Variants in LAMP2 observed in about 807,000 individuals in gnomAD.
LAMP2 encodes lysosome-associated membrane glycoprotein 2.
In LAMP2, 4 loss-of-function variants were observed where a neutral mutation model predicts 25.6. That is an observed-to-expected ratio of 0.16 (90% CI 0.08 to 0.36). LAMP2 has a LOEUF of 0.36. Ranked by LOEUF, LAMP2 falls within the 10% of genes least tolerant of loss-of-function variation. LAMP2 has a pLI of 1.00. For missense variants in LAMP2, 272 were observed against 301.4 expected, an observed-to-expected ratio of 0.90 and a Z score of 0.72; for synonymous variants, 108 against 112.7, an observed-to-expected ratio of 0.96 and a Z score of 0.27.
chrX:120,432,471 G>T (rs1288923688), intron 8 of LAMP2, among the ~76,000 whole-genome samples: 1 of 111,241 alleles, frequency 9.0e-6, no homozygotes, highest in African/African-American at 3.3e-5. Flanking sequence ...GATGGAGGTA[G>T]TAAGGTAGGA....
intron 1 of LAMP2, among the ~76,000 whole-genome samples, chrX:120,468,100 C>G (rs1487328482): frequency 9.0e-6 from 1 of 111,671 alleles, no homozygotes; most frequent in Admixed American, 9.5e-5. Context: ...ACAACCCAAT[C>G]CTTAGCAAGT....
intron 5 of LAMP2, 69 bp downstream of exon 5, chrX:120,447,772 G>A: frequency 1.1e-6 from 1 of 932,876 alleles, no homozygotes. Context: ...CCTTTGGGCT[G>A]AAGGTAGGAT....
rs2058578862 is a variant in LAMP2, at chrX:120,442,659, T to C, written c.868A>G (p.Asn290Asp). The C allele has an allele frequency of 1.7e-6, 2 of 1,201,326 alleles. No homozygotes were observed. Among genetic ancestry groups the C allele is most frequent in the Middle Eastern group, 2.3e-4 (1 of 4,353 alleles). Residue 290 changes from asparagine (N) to aspartate (D), a missense_variant, in exon 7 of 9, where the codon AAT (asparagine) becomes GAT (aspartate). Coordinates refer to ENST00000200639, the MANE Select transcript of LAMP2 (RefSeq NM_002294.3). ...TCCTTCAGATAAAATCGGTTTTCAT[T>C]TTTCTGTTTGAAAAAGAGCTTCCAG... is the stretch of plus-strand genomic sequence containing the variant. ...KYLDFVFAVKNENRFYLKEVN... is the reference protein window; with the variant it reads ...KYLDFVFAVKDENRFYLKEVN...
chrX:120,459,875 C>T (rs1921245761), intron 1 of LAMP2, among the ~76,000 whole-genome samples: 1 of 112,212 alleles, frequency 8.9e-6, no homozygotes, highest in African/African-American at 3.2e-5. Context: ...CTACTGTTGA[C>T]TGGAAGCATT....
At chrX:120,437,429 C>T (rs1307274104) in intron 8 of LAMP2, 13 of 738,838 alleles carry the variant, frequency 1.8e-5, no homozygotes, top group Admixed American at 1.9e-4. Context: ...AAAAAAAACA[C>T]GAAAAAACAA....
chrX:120,439,394 G>T, intron 8 of LAMP2: 1 of 795,937 alleles, frequency 1.3e-6, no homozygotes, highest in Non-Finnish European at 1.9e-6. Context: ...GTTCTTACAA[G>T]ATCAACTTCA....
chrX:120,457,878 G>C (rs1467953723), intron 1 of LAMP2, among the ~76,000 whole-genome samples: 1 of 112,207 alleles, frequency 8.9e-6, no homozygotes, highest in Admixed American at 9.4e-5. Flanking sequence ...CTATAGACTA[G>C]AGAAAAGTGC....
rs2058509624 is a variant in LAMP2 at position 120,428,865 on chromosome X, G to A, written c.*2458C>T. 1 of 749,093 alleles carries A rather than the reference G, an allele frequency of 1.3e-6. No individual in the cohort carries two copies. The highest frequency in any genetic ancestry group is 9.1e-5 in the Admixed American group (1 of 11,004). 61.7% of individuals were successfully genotyped at this position (749,093 alleles called of 1,213,427 possible). On this transcript the variant is annotated 3_prime_UTR_variant, in exon 9 of 9. Coordinates refer to ENST00000200639, the MANE Select transcript of LAMP2 (RefSeq NM_002294.3). The stretch of plus-strand genomic sequence containing the variant: ...TGGGAAGGGTCCAAAATAGAGAATT[G>A]CGCTTGCCTAATATGGGAAGACTTT...
chrX:120,431,316 G>T lies in LAMP2; in HGVS notation c.*7C>A. On this transcript the variant is annotated 3_prime_UTR_variant, in exon 9 of 9. Transcript: ENST00000200639. ...GTATTTTTATATAATCAATCAGGTT[G>T]CAGATTCTAAAATTGCTCATATCCA... is the stretch of plus-strand genomic sequence containing the variant. 8.3e-7 allele frequency: 1 copy of T among 1,210,239 alleles called. No homozygotes were observed. The highest frequency in any genetic ancestry group is 1.1e-6 in the Non-Finnish European group (1 of 894,059).
At position 120,441,934 on chromosome X, in the gene LAMP2, T is replaced by C. The variant is rs1430883909; in HGVS notation, c.929-40A>G. On this transcript the variant is annotated intron_variant, in intron 7 of 8. Transcript: ENST00000200639. ...AACAGGTTAGTAACTTCTTATCCTATCAACATCAAAAATGGGAAAGTTGGC... is the reference window on the plus strand; with the variant it reads ...AACAGGTTAGTAACTTCTTATCCTACCAACATCAAAAATGGGAAAGTTGGC... The C allele has an allele frequency of 4.3e-6, 5 of 1,153,465 alleles. No homozygotes were observed. The South Asian group carries it at 9.0e-5, about 21-fold the overall frequency.
chrX:120,462,331 G>T (rs1921347326), intron 1 of LAMP2, among the ~76,000 whole-genome samples: 1 of 109,418 alleles, frequency 9.1e-6, no homozygotes, highest in Non-Finnish European at 1.9e-5. Flanking sequence ...GACCAGCCTG[G>T]GCAACATGGC....
intron 1 of LAMP2, among the ~76,000 whole-genome samples, chrX:120,464,958 G>A (rs745609506): frequency 1.8e-5 from 2 of 111,164 alleles, no homozygotes; most frequent in Non-Finnish European, 3.8e-5. Context: ...GGCTAGGCTG[G>A]TCTCGAACTC....
chrX:120,463,014 C>T (rs765217303), intron 1 of LAMP2, among the ~76,000 whole-genome samples: 48 of 112,447 alleles, frequency 4.3e-4, no homozygotes, highest in Admixed American at 2.0e-3. Flanking sequence ...TGTTTACTTT[C>T]ATCATATTAA....
At chrX:120,449,707 A>G (rs1038666276) in intron 3 of LAMP2, among the ~76,000 whole-genome samples, 93 of 112,831 alleles carry the variant, frequency 8.2e-4, no homozygotes, top group African/African-American at 2.9e-3. Flanking sequence ...AGCATCTTCT[A>G]TGATCTAAGG....
intron 1 of LAMP2, among the ~76,000 whole-genome samples, chrX:120,460,426 T>G (rs936882126): frequency 2.7e-5 from 3 of 111,698 alleles, no homozygotes; most frequent in African/African-American, 9.8e-5. Context: ...AAAGCCCTCC[T>G]TATTTCCCTT....
rs1009203820 is a variant in LAMP2, at chrX:120,429,134, G to T, written c.*2189C>A. 1.2e-5 allele frequency: 8 copies of T among 650,372 alleles called. No individual in the cohort carries two copies. The highest frequency in any genetic ancestry group is 1.3e-5 in the Non-Finnish European group (7 of 550,575). The allele number at this position is 650,372 out of a possible 1,213,427, so 53.6% of individuals were successfully genotyped here. A position where few individuals can be genotyped will look rare whatever the true frequency, so the allele number is the denominator to read the frequency against. ...TATGTATATGTGTATATATATGTGT[G>T]TGTGTATATATATGTGTGTGTGTGT... On this transcript the variant is annotated 3_prime_UTR_variant, in exon 9 of 9. Coordinates refer to ENST00000200639, the MANE Select transcript of LAMP2 (RefSeq NM_002294.3).
rs1409232559 is a variant in LAMP2, at chrX:120,426,161, A to G, written c.*5162T>C. On this transcript the variant is annotated 3_prime_UTR_variant, in exon 9 of 9. Transcript: ENST00000200639. ...GGTTATCCATAGTGGTATGGAATGTATGATCTTTATTAATTTTTAATCCAT... is the reference window on the plus strand; with the variant it reads ...GGTTATCCATAGTGGTATGGAATGTGTGATCTTTATTAATTTTTAATCCAT... 3.0e-5 allele frequency among the ~76,000 whole-genome samples: 3 copies of G among 101,260 alleles called. No individual in the cohort carries two copies. The highest frequency in any genetic ancestry group is 6.0e-5 in the Non-Finnish European group (3 of 50,055). The allele number at this position is 101,260 out of a possible 115,157, so 87.9% of individuals were successfully genotyped here. A position where few individuals can be genotyped will look rare whatever the true frequency, so the allele number is the denominator to read the frequency against.
At chrX:120,449,656 G>T (rs1207833293) in intron 3 of LAMP2, among the ~76,000 whole-genome samples, 1 of 111,635 alleles carries the variant, frequency 9.0e-6, no homozygotes, top group Non-Finnish European at 1.9e-5. Context: ...AAGAAATGGG[G>T]GTTAAGAAGG....
intron 1 of LAMP2, among the ~76,000 whole-genome samples, chrX:120,468,877 C>T (rs930854661): frequency 9.0e-6 from 1 of 111,586 alleles, no homozygotes; most frequent in Non-Finnish European, 1.9e-5. Flanking sequence ...TCGGCGTCCA[C>T]CCCCCGTTAC....
Sources: allele counts gnomAD v4.1 joint callset (sites outside exome capture counted in the v4.1 genomes callset), GRCh38; gene constraint gnomAD v4.1.1; transcripts MANE v1.5; gene names NCBI Gene and HGNC (gene_info 2026-07-23, HGNC 2026-07-21).